NUDT10: variants seen among roughly 807,000 people sequenced by gnomAD.
NUDT10 encodes nudix hydrolase 10, also known as diphosphoinositol polyphosphate phosphohydrolase 3-alpha.
NUDT10 carries 2 observed loss-of-function variants against 10.5 expected under a neutral mutation model. The observed-to-expected ratio is 0.19, with a 90% CI of 0.08 to 0.60. The LOEUF is 0.60. NUDT10 is among the 20% of genes least tolerant of loss of function. NUDT10 has a pLI of 0.89. For missense variants in NUDT10, 75 were observed against 149.5 expected, an observed-to-expected ratio of 0.50 and a Z score of 2.60; for synonymous variants, 53 against 71.8, an observed-to-expected ratio of 0.74 and a Z score of 1.32.
At chrX:51,334,486 A>G (rs1247161906) in intron 1 of NUDT10, among the ~76,000 whole-genome samples, 1 of 112,445 alleles carries the variant, frequency 8.9e-6, no homozygotes, top group Non-Finnish European at 1.9e-5. Flanking sequence ...CAGGAATGGA[A>G]TCTTTTGTGG....
In NUDT10 at chrX:51,333,040, C is replaced by T. The variant is rs868934439; in HGVS notation, c.75C>T (p.Phe25=). The change falls in exon 1 of 2, where the codon TTC becomes TTT. Residue 25 remains phenylalanine (F), a synonymous_variant. Transcript: ENST00000356450. ...AGAAGCGGGCGGCGTGCCTGTGCTT[C>T]CGGAGCGAGCGCGAGGACGAGGTCC... ...GFKKRAACLC[F]RSEREDEVLL... 6 of 1,211,037 alleles carry T rather than the reference C, an allele frequency of 5.0e-6. No homozygotes were observed. Among genetic ancestry groups the T allele is most frequent in the Non-Finnish European group, 6.7e-6 (6 of 895,179 alleles).
upstream of NUDT10, chrX:51,332,812 G>A: frequency 1.1e-6 from 1 of 899,805 alleles, no homozygotes; most frequent in Non-Finnish European, 1.5e-6. Flanking sequence ...CGCTCCCCGG[G>A]CTCGGGGGCA....
At chrX:51,333,749 C>CGGGGG (rs1252405750) in intron 1 of NUDT10, among the ~76,000 whole-genome samples, 1 of 12,480 alleles carries the variant, frequency 8.0e-5, no homozygotes, top group African/African-American at 3.5e-4. Flanking sequence ...TGCTTTTGGG[C>CGGGGG]GGGGGGGGGG....
intron 1 of NUDT10, among the ~76,000 whole-genome samples, chrX:51,333,778 T>TGGGGGGGGGGGGG (rs1569552317): frequency 4.6e-4 from 1 of 2,189 alleles, no homozygotes; most frequent in Non-Finnish European, 8.3e-4. Flanking sequence ...GGGCGAGGGG[T>TGGGGGGGGGGGGG]GGGCGGGGAG....
In NUDT10 at chrX:51,332,894, C is replaced by T. The variant is rs1381190791; in HGVS notation, c.-72C>T. ...CTTTCTCTTCCCAGCACCTCGGCTGCTGCCCGGCAGCGGCAGCAGCTGCGT... is the reference window on the plus strand; with the variant it reads ...CTTTCTCTTCCCAGCACCTCGGCTGTTGCCCGGCAGCGGCAGCAGCTGCGT... On this transcript the variant is annotated 5_prime_UTR_variant, in exon 1 of 2. Coordinates refer to ENST00000356450, the MANE Select transcript of NUDT10 (RefSeq NM_001304963.2). The T allele has an allele frequency of 3.1e-5, 36 of 1,158,370 alleles. No homozygotes were observed. Among genetic ancestry groups the T allele is most frequent in the Middle Eastern group, 2.4e-4 (1 of 4,129 alleles).
chrX:51,336,144 G>A (rs1353522261), intron 1 of NUDT10, 95 bp from the exon 2 acceptor site: 2 of 479,063 alleles, frequency 4.2e-6, no homozygotes, highest in Admixed American at 3.1e-5. Context: ...AATTCAAAAT[G>A]GTTGATGAGC....
chrX:51,337,158 C>G lies in NUDT10; in HGVS notation c.*919C>G, dbSNP rs1922863681. ...TAAAGAGACTTAAGAGACATATTAA[C>G]CAATTGTTAATTGGATCTTATTTGA... is the stretch of plus-strand genomic sequence containing the variant. On this transcript the variant is annotated 3_prime_UTR_variant, in exon 2 of 2. Transcript: ENST00000356450. 8.9e-6 allele frequency: 1 copy of G among 112,072 alleles called. No homozygotes were observed. The highest frequency in any genetic ancestry group is 1.9e-5 in the Non-Finnish European group (1 of 53,249). 9.2% of individuals were successfully genotyped at this position (112,072 alleles called of 1,213,427 possible). A position where few individuals can be genotyped will look rare whatever the true frequency, so the allele number is the denominator to read the frequency against.
upstream of NUDT10, chrX:51,332,710 C>T: frequency 2.5e-6 from 1 of 392,305 alleles, no homozygotes; most frequent in South Asian, 5.9e-5. Context: ...CCGGGTTCGG[C>T]CGGCCGCCCA....
At chrX:51,334,033 T>C (rs1922769423) in intron 1 of NUDT10, among the ~76,000 whole-genome samples, 1 of 111,329 alleles carries the variant, frequency 9.0e-6, no homozygotes, top group Admixed American at 9.6e-5. Flanking sequence ...GTTTAAAAAA[T>C]CAGTTTTGAA....
upstream of NUDT10, among the ~76,000 whole-genome samples, chrX:51,332,599 C>G (rs1239380729): frequency 8.8e-6 from 1 of 113,038 alleles, no homozygotes; most frequent in East Asian, 2.8e-4. Flanking sequence ...TGAACGGGAG[C>G]GCGGACGCGC....
rs1922718986 is a variant in NUDT10 at position 51,332,990 on chromosome X, C to G, written c.25C>G (p.Arg9Gly). Residue 9 changes from arginine (R) to glycine (G), a missense_variant, in exon 1 of 2, where the codon CGG becomes GGG. Physicochemically the swap from Arg to Gly is moderately radical, Grantham distance 125. Transcript: ENST00000356450. MKCKPNQT[R>G]TYDPEGFKKR... Reference sequence around the variant, plus strand: ...GATGAAGTGCAAACCCAACCAGACACGGACCTACGACCCCGAGGGGTTCAA... The same window carrying G: ...GATGAAGTGCAAACCCAACCAGACAGGGACCTACGACCCCGAGGGGTTCAA... 1.2e-5 allele frequency: 14 copies of G among 1,209,631 alleles called. No individual in the cohort carries two copies. The highest frequency in any genetic ancestry group is 1.2e-5 in the Non-Finnish European group (11 of 895,040).
chrX:51,336,668 T>C lies in NUDT10; in HGVS notation c.*429T>C, dbSNP rs1557312772. On this transcript the variant is annotated 3_prime_UTR_variant, in exon 2 of 2. Coordinates refer to ENST00000356450, the MANE Select transcript of NUDT10 (RefSeq NM_001304963.2). Reference sequence around the variant, plus strand: ...CCCTTTCTAATCTGTCTAGCATATATGTGACTTTTGTTTATCAAGTGTCAC... The same window carrying C: ...CCCTTTCTAATCTGTCTAGCATATACGTGACTTTTGTTTATCAAGTGTCAC... 8.7e-6 allele frequency: 1 copy of C among 114,849 alleles called. No individual in the cohort carries two copies. The highest frequency in any genetic ancestry group is 1.8e-5 in the Non-Finnish European group (1 of 55,031). 9.5% of individuals were successfully genotyped at this position (114,849 alleles called of 1,213,427 possible).
At chrX:51,334,354 A>C (rs1281322955) in intron 1 of NUDT10, among the ~76,000 whole-genome samples, 1 of 111,993 alleles carries the variant, frequency 8.9e-6, no homozygotes, top group Non-Finnish European at 1.9e-5. Context: ...ATTGCCCCTT[A>C]CTGGATACCA....
Position 51,336,410 on chromosome X carries a change from G to A in NUDT10, c.*171G>A. On this transcript the variant is annotated 3_prime_UTR_variant, in exon 2 of 2. Transcript: ENST00000356450. Reference sequence around the variant, plus strand: ...TATTACAATGACTATTCTCCAGGTTGTTGCACTACCGCTGTATCTGTACAT... The same window carrying A: ...TATTACAATGACTATTCTCCAGGTTATTGCACTACCGCTGTATCTGTACAT... 1 of 382,035 alleles carries A rather than the reference G, an allele frequency of 2.6e-6. No individual in the cohort carries two copies. The highest frequency in any genetic ancestry group is 4.6e-6 in the Non-Finnish European group (1 of 215,112). 31.5% of individuals were successfully genotyped at this position (382,035 alleles called of 1,213,427 possible).
At chrX:51,334,810 G>T (rs782599219) in intron 1 of NUDT10, among the ~76,000 whole-genome samples, 27 of 111,662 alleles carry the variant, frequency 2.4e-4, no homozygotes, top group Non-Finnish European at 4.0e-4. Flanking sequence ...CTAATTTCTA[G>T]AGCAACCTAG....
chrX:51,332,740 G>A, upstream of NUDT10: 3 of 470,052 alleles, frequency 6.4e-6, no homozygotes, highest in Non-Finnish European at 1.0e-5. Flanking sequence ...CGGACTGGCT[G>A]ACTGACACGC....
chrX:51,332,951 G>A lies in NUDT10; in HGVS notation c.-15G>A. ...CCCACACAGCAGCGAGAGGCGAGAG[G>A]AGGCTGCCTCGAGGATGAAGTGCAA... On this transcript the variant is annotated 5_prime_UTR_variant, in exon 1 of 2. Transcript: ENST00000356450. 3 of 1,210,274 alleles carry A rather than the reference G, an allele frequency of 2.5e-6. No individual in the cohort carries two copies. Among genetic ancestry groups the A allele is most frequent in the Non-Finnish European group, 3.4e-6 (3 of 894,495 alleles).
chrX:51,335,305 CAAAAAA>C lies in NUDT10; in HGVS notation c.*-917_*-912del, dbSNP rs35660767. Reference sequence around the variant, plus strand: ...TGCACTCCAGCCTGGGCGACCGTCTCAAAAAAAAAAAAAAAAAAAAAAGACTGATTT... The same window carrying C: ...TGCACTCCAGCCTGGGCGACCGTCTCAAAAAAAAAAAAAAAAGACTGATTT... On this transcript the variant is annotated intron_variant, in intron 1 of 1. Transcript: ENST00000356450. Among the ~76,000 whole-genome samples, 109 of 43,289 alleles carry C rather than the reference CAAAAAA, an allele frequency of 2.5e-3. 2 individuals carry two copies. The East Asian group carries it at 0.072, about 28-fold the overall frequency. The allele number at this position is 43,289 out of a possible 115,157, so 37.6% of individuals were successfully genotyped here.
chrX:51,332,712 G>C, upstream of NUDT10: 1 of 390,813 alleles, frequency 2.6e-6, no homozygotes, highest in Non-Finnish European at 4.2e-6. Context: ...GGGTTCGGCC[G>C]GCCGCCCATC....
Sources: allele counts gnomAD v4.1 joint callset (sites outside exome capture counted in the v4.1 genomes callset), GRCh38; gene constraint gnomAD v4.1.1; transcripts MANE v1.5; gene names NCBI Gene and HGNC (gene_info 2026-07-23, HGNC 2026-07-21).